DARS1: variants seen among roughly 807,000 people sequenced by gnomAD.
DARS1 encodes the protein aspartyl-tRNA synthetase 1.
Under a neutral mutation model 68.8 loss-of-function variants are expected in DARS1, and 51 were observed. The observed-to-expected ratio is 0.74, with a 90% CI of 0.59 to 0.94. The LOEUF (loss-of-function observed/expected upper bound fraction) is 0.94, where lower values mean the gene tolerates loss of function less well. DARS1 is among the 40% of genes least tolerant of loss of function. The probability of loss-of-function intolerance (pLI) is 0.00; values close to 1 mark genes in which losing one functional copy is unlikely to be tolerated. For missense variants in DARS1, 607 were observed against 597.3 expected, an observed-to-expected ratio of 1.02 and a Z score of -0.17; for synonymous variants, 203 against 190.4, an observed-to-expected ratio of 1.07 and a Z score of -0.55.
chr2:135,912,110 G>A (rs1004174042), intron 13 of DARS1, among the ~76,000 whole-genome samples: 68 of 152,186 alleles, frequency 4.5e-4, no homozygotes, highest in African/African-American at 1.6e-3. Context: ...GTAAAAGACC[G>A]TAAGACATTA....
Position 135,920,348 on chromosome 2 carries a change from TG to T in DARS1, c.959+104del, listed in dbSNP as rs1429807312. 1.6e-5 allele frequency: 23 copies of T among 1,442,736 alleles called. No homozygotes were observed. In the African/African-American group the frequency reaches 3.3e-4, roughly 21 times the overall value. 89.4% of individuals were successfully genotyped at this position (1,442,736 alleles called of 1,614,324 possible). ...TCTAACTGGTAAATCTTTATATATA[TG>T]TTCATAGAAACTTAAGTTTGTATGT... On this transcript the variant is annotated intron_variant, in intron 10 of 15. Transcript: ENST00000264161.
At chr2:135,974,444 C>T (rs2104845068) in intron 3 of DARS1, among the ~76,000 whole-genome samples, 1 of 152,292 alleles carries the variant, frequency 6.6e-6, no homozygotes, top group South Asian at 2.1e-4. Flanking sequence ...ATGAACCTCT[C>T]TACATATACA....
chr2:135,920,857 G>A (rs1681097812), intron 9 of DARS1, among the ~76,000 whole-genome samples: 1 of 151,938 alleles, frequency 6.6e-6, no homozygotes, highest in African/African-American at 2.4e-5. Context: ...CTGGGGGAAT[G>A]CAAGATCCTG....
At chr2:135,941,065 T>C (rs1330700474) in intron 5 of DARS1, among the ~76,000 whole-genome samples, 5 of 152,072 alleles carry the variant, frequency 3.3e-5, no homozygotes, top group African/African-American at 9.7e-5. Flanking sequence ...GAATCAATAT[T>C]GTGAAAATGG....
intron 3 of DARS1, among the ~76,000 whole-genome samples, chr2:135,975,237 T>C (rs770380627): frequency 9.9e-5 from 15 of 151,914 alleles, no homozygotes; most frequent in Non-Finnish European, 1.5e-4. Context: ...CCCAGCTACT[T>C]GGGAGGCTGA....
intron 4 of DARS1, among the ~76,000 whole-genome samples, chr2:135,948,239 G>A (rs1398863379): frequency 1.3e-5 from 2 of 152,306 alleles, no homozygotes; most frequent in Admixed American, 6.5e-5. Flanking sequence ...TCAAGGAGTT[G>A]CAATACACAA....
chr2:135,978,142 CAAAAAAAA>C (rs59505882), intron 3 of DARS1, among the ~76,000 whole-genome samples: 3 of 54,734 alleles, frequency 5.5e-5, no homozygotes, highest in African/African-American at 7.2e-5. Flanking sequence ...GACTCTGTCT[CAAAAAAAA>C]AAAAAAAAAA....
At chr2:135,921,664 C>T (rs1417450964) in intron 9 of DARS1, among the ~76,000 whole-genome samples, 1 of 152,116 alleles carries the variant, frequency 6.6e-6, no homozygotes, top group Non-Finnish European at 1.5e-5. Flanking sequence ...AATATTGATT[C>T]CCTTATCACT....
chr2:135,943,504 C>A, intron 4 of DARS1, 24 bp from the exon 5 acceptor site: 1 of 1,608,940 alleles, frequency 6.2e-7, no homozygotes, highest in Non-Finnish European at 8.5e-7. Context: ...AAATTCCCAA[C>A]TTGAATCATC....
intron 7 of DARS1, among the ~76,000 whole-genome samples, chr2:135,927,803 T>C (rs1202257133): frequency 6.6e-6 from 1 of 152,186 alleles, no homozygotes; most frequent in African/African-American, 2.4e-5. Context: ...ACATTCCTTA[T>C]ATTAAAATAG....
chr2:135,930,723 A>C (rs970312755), intron 7 of DARS1, among the ~76,000 whole-genome samples: 2 of 152,346 alleles, frequency 1.3e-5, no homozygotes, highest in East Asian at 1.9e-4. Flanking sequence ...AAAAGTACTT[A>C]AACAATGATT....
At chr2:135,965,656 T>C (rs1682212773) in intron 3 of DARS1, among the ~76,000 whole-genome samples, 1 of 152,200 alleles carries the variant, frequency 6.6e-6, no homozygotes, top group Non-Finnish European at 1.5e-5. Flanking sequence ...GTGTAATGCT[T>C]CTGGAGAACA....
At chr2:135,930,609 G>A (rs1428900376) in intron 7 of DARS1, among the ~76,000 whole-genome samples, 1 of 152,114 alleles carries the variant, frequency 6.6e-6, no homozygotes, top group African/African-American at 2.4e-5. Flanking sequence ...CCTGTAATAC[G>A]AACATAATAA....
chr2:135,976,513 C>T (rs1682502434), intron 3 of DARS1, among the ~76,000 whole-genome samples: 1 of 152,078 alleles, frequency 6.6e-6, no homozygotes, highest in African/African-American at 2.4e-5. Flanking sequence ...CCATGATTAG[C>T]TCATATCATC....
chr2:135,937,332 T>G (rs1558785791), intron 5 of DARS1, among the ~76,000 whole-genome samples: 1 of 152,012 alleles, frequency 6.6e-6, no homozygotes, highest in Non-Finnish European at 1.5e-5. Context: ...CAAGTGACAC[T>G]TATGGTATTT....
At chr2:135,985,293 G>A in intron 1 of DARS1, 110 bp downstream of exon 1, 2 of 1,457,452 alleles carry the variant, frequency 1.4e-6, no homozygotes, top group East Asian at 2.4e-5. Flanking sequence ...CGCAGCCTGC[G>A]GAGAACGTGC....
At chr2:135,924,587 A>C (rs966286745) in intron 7 of DARS1, 89 bp from the exon 8 acceptor site, 6 of 1,475,566 alleles carry the variant, frequency 4.1e-6, no homozygotes, top group Non-Finnish European at 5.4e-6. Context: ...AAACCTAACA[A>C]TTCTTGCTTT....
At chr2:135,961,876 G>T (rs546503224) in intron 3 of DARS1, among the ~76,000 whole-genome samples, 2 of 152,274 alleles carry the variant, frequency 1.3e-5, no homozygotes, top group East Asian at 3.9e-4. Context: ...TATTCCACAT[G>T]CAAAGGCACT....
chr2:135,981,879 CTAGTT>C (rs1682640577), intron 2 of DARS1, among the ~76,000 whole-genome samples: 1 of 151,954 alleles, frequency 6.6e-6, no homozygotes, highest in South Asian at 2.1e-4. Flanking sequence ...GTTTCCCAGG[CTAGTT>C]TCAAATTCCT....
Sources: allele counts gnomAD v4.1 joint callset (sites outside exome capture counted in the v4.1 genomes callset), GRCh38; gene constraint gnomAD v4.1.1; transcripts MANE v1.5; gene names NCBI Gene and HGNC (gene_info 2026-07-23, HGNC 2026-07-21).